Variants in STOX2 observed in about 807,000 individuals in gnomAD.
STOX2 encodes the protein storkhead box 2, also known as storkhead-box protein 2.
A neutral mutation model predicts 60.9 loss-of-function variants in STOX2; 28 were observed. That is an observed-to-expected ratio of 0.46 (90% CI 0.34 to 0.63). STOX2 has a LOEUF of 0.63. STOX2 is among the 30% of genes least tolerant of loss of function. The pLI is 0.01. For synonymous variants in STOX2, 472 were observed against 463.9 expected (o/e 1.02, Z -0.22); for missense variants, 1,024 against 1,187.7 (o/e 0.86, Z 2.03).
chr4:183,972,427 T>C (rs1743771894), intron 1 of STOX2, among the ~76,000 whole-genome samples: 1 of 152,116 alleles, frequency 6.6e-6, no homozygotes, highest in African/African-American at 2.4e-5. Flanking sequence ...CATAAAATAT[T>C]GTATGAACTC....
chr4:183,841,579 C>T (rs1739863800), intron 1 of STOX2, among the ~76,000 whole-genome samples: 1 of 152,126 alleles, frequency 6.6e-6, no homozygotes, highest in Non-Finnish European at 1.5e-5. Context: ...TTGTGCTCAG[C>T]CTGCTTCTTA....
rs187982009 is a variant in STOX2 at position 184,001,134 on chromosome 4, G to C, written c.167-191G>C. On this transcript the variant is annotated intron_variant, in intron 1 of 3. Transcript: ENST00000308497. The surrounding 1 kb of genome is among the most constrained non-coding windows in gnomAD (Gnocchi z 4.2). ...TTGAGGCAGTAGGAGCTTCCACTGC[G>C]TGTGGAAGTCTTTCCACCTGAGTGG... 2.6e-5 allele frequency among the ~76,000 whole-genome samples: 4 copies of C among 152,170 alleles called. No homozygotes were observed. Among genetic ancestry groups the C allele is most frequent in the Non-Finnish European group, 4.4e-5 (3 of 68,036 alleles).
At chr4:183,861,315 G>T (rs928551067) in intron 1 of STOX2, among the ~76,000 whole-genome samples, 3 of 150,888 alleles carry the variant, frequency 2.0e-5, no homozygotes, top group African/African-American at 7.3e-5. Flanking sequence ...CCTTGGGGGG[G>T]TCCTCACCCT....
At chr4:183,991,849 T>G (rs1056653726) in intron 1 of STOX2, among the ~76,000 whole-genome samples, 50 of 152,272 alleles carry the variant, frequency 3.3e-4, no homozygotes, top group African/African-American at 1.2e-3. Context: ...TAAACATCAT[T>G]ATGTATACTT....
rs760519459 is a variant in STOX2 at position 184,010,822 on chromosome 4, G to A, written c.1984G>A (p.Gly662Ser). ...CAAGGAGGAGTCACCAAAAGGGCCG[G>A]GTGGGGGCCCCGCTGCTTCGGGAGG... ...GHKEESPKGP[G>S]GGPAASGGVA... The change falls in exon 3 of 4, where the codon GGT (glycine) becomes AGT (serine). Residue 662 changes from glycine to serine, a missense_variant. Around this residue, in one of 3 missense-constraint regions of STOX2, gnomAD observed 922 missense variants for 1,058.3 expected, o/e 0.87. Coordinates refer to ENST00000308497, the MANE Select transcript of STOX2 (RefSeq NM_020225.3). The surrounding 1 kb of genome is among the most constrained non-coding windows in gnomAD (Gnocchi z 4.5). 6.3e-7 allele frequency: 1 copy of A among 1,589,960 alleles called. No individual in the cohort carries two copies. Among genetic ancestry groups the A allele is most frequent in the Admixed American group, 1.7e-5 (1 of 57,406 alleles).
chr4:184,020,446 T>C lies in STOX2; in HGVS notation c.*3162T>C, dbSNP rs114578841. 3.0e-4 allele frequency: 46 copies of C among 151,818 alleles called. No homozygotes were observed. Among genetic ancestry groups the C allele is most frequent in the African/African-American group, 1.1e-3 (46 of 41,416 alleles). 9.4% of individuals were successfully genotyped at this position (151,818 alleles called of 1,614,324 possible). A position where few individuals can be genotyped will look rare whatever the true frequency, so the allele number is the denominator to read the frequency against. On this transcript the variant is annotated 3_prime_UTR_variant, in exon 4 of 4. Transcript: ENST00000308497. ...GAACGTAATTGAAAGAGCTATTTAC[T>C]CTTTTGGAAATCTGATTTGAAGTCT...
intron 1 of STOX2, among the ~76,000 whole-genome samples, chr4:183,881,842 C>T (rs189285412): frequency 2.4e-4 from 37 of 152,260 alleles, no homozygotes; most frequent in Admixed American, 6.5e-4. Flanking sequence ...GGAAAGCTGA[C>T]GGATAGTGAA....
At chr4:183,939,073 G>A (rs1266152349) in intron 1 of STOX2, among the ~76,000 whole-genome samples, 1 of 152,154 alleles carries the variant, frequency 6.6e-6, no homozygotes, top group African/African-American at 2.4e-5. Context: ...AAAAGCTATC[G>A]GTAGCTAACC....
chr4:183,972,718 C>T (rs1292172268), intron 1 of STOX2, among the ~76,000 whole-genome samples: 1 of 152,178 alleles, frequency 6.6e-6, no homozygotes, highest in Admixed American at 6.5e-5. Flanking sequence ...CTCGGACTCT[C>T]ATGATATAAT....
intron 1 of STOX2, among the ~76,000 whole-genome samples, chr4:183,800,891 A>C (rs1738749387): frequency 1.3e-5 from 2 of 152,232 alleles, no homozygotes; most frequent in African/African-American, 4.8e-5. Context: ...CACACAACCC[A>C]GAGCAGAGAG....
At chr4:183,801,617 A>T (rs1354448304) in intron 1 of STOX2, among the ~76,000 whole-genome samples, 1 of 152,122 alleles carries the variant, frequency 6.6e-6, no homozygotes, top group Non-Finnish European at 1.5e-5. Context: ...TCTTGTGCAG[A>T]TGGAGATGGG....
At chr4:183,878,365 A>G (rs1740878426) in intron 1 of STOX2, among the ~76,000 whole-genome samples, 1 of 152,214 alleles carries the variant, frequency 6.6e-6, no homozygotes, top group African/African-American at 2.4e-5. Flanking sequence ...GTGTTTTTTG[A>G]AACAGCTATT....
intron 1 of STOX2, among the ~76,000 whole-genome samples, chr4:183,898,907 G>A (rs570535143): frequency 2.0e-5 from 3 of 152,224 alleles, no homozygotes; most frequent in African/African-American, 4.8e-5. Context: ...GTTCCACTTT[G>A]CAGATATTGC....
chr4:183,973,294 AAG>A (rs751239954), intron 1 of STOX2, among the ~76,000 whole-genome samples: 1 of 152,204 alleles, frequency 6.6e-6, no homozygotes. Flanking sequence ...TTGAAAACTA[AAG>A]AGAGAAAAAT....
chr4:183,999,283 A>C (rs1458305835), intron 1 of STOX2, among the ~76,000 whole-genome samples: 6 of 152,134 alleles, frequency 3.9e-5, no homozygotes, highest in African/African-American at 1.4e-4. Context: ...CACATCCCCC[A>C]AAATGGCCCC....
chr4:183,799,560 AAATAT>A (rs1738713025), intron 1 of STOX2, among the ~76,000 whole-genome samples: 1 of 152,194 alleles, frequency 6.6e-6, no homozygotes, highest in Non-Finnish European at 1.5e-5. Context: ...TATAACTCAA[AAATAT>A]TATATTGAAC....
At chr4:184,004,904 A>G (rs1397340237) in intron 2 of STOX2, among the ~76,000 whole-genome samples, 1 of 152,250 alleles carries the variant, frequency 6.6e-6, no homozygotes, top group East Asian at 1.9e-4. Flanking sequence ...CTTCAGGGAC[A>G]TAGAGCTAGA....
At chr4:183,963,476 G>C (rs951846285) in intron 1 of STOX2, among the ~76,000 whole-genome samples, 3 of 151,454 alleles carry the variant, frequency 2.0e-5, no homozygotes, top group Non-Finnish European at 2.9e-5. Flanking sequence ...ACCCAGGCTG[G>C]AGTGCAATGG....
chr4:183,902,867 T>A (rs550634224), upstream of STOX2, among the ~76,000 whole-genome samples: 9 of 152,326 alleles, frequency 5.9e-5, no homozygotes, highest in East Asian at 1.5e-3. Flanking sequence ...TTATTCTACA[T>A]CAGGCTAGTT....
Sources: allele counts gnomAD v4.1 joint callset (sites outside exome capture counted in the v4.1 genomes callset), GRCh38; gene constraint gnomAD v4.1.1; regional missense constraint gnomAD v4.1.1; non-coding constraint Gnocchi (gnomAD v3.1); transcripts MANE v1.5; gene names NCBI Gene and HGNC (gene_info 2026-07-23, HGNC 2026-07-21).